RMC1: variants seen among roughly 807,000 people sequenced by gnomAD.
RMC1 encodes the protein regulator of MON1-CCZ1 complex.
A neutral mutation model predicts 95.5 loss-of-function variants in RMC1; 44 were observed. That is an observed-to-expected ratio of 0.46 (90% CI 0.36 to 0.59). The LOEUF (loss-of-function observed/expected upper bound fraction) is 0.59. Ranked by LOEUF, RMC1 falls within the 20% of genes least tolerant of loss-of-function variation. The pLI is 0.00. For missense variants in RMC1, 705 were observed against 819.6 expected, an observed-to-expected ratio of 0.86 and a Z score of 1.71; for synonymous variants, 320 against 303.6, an observed-to-expected ratio of 1.05 and a Z score of -0.56.
rs541601026 is a variant in RMC1, at chr18:23,518,953, G to A, written c.717G>A (p.Ala239=). Residue 239 remains alanine (A), a synonymous_variant, in exon 8 of 20, where the codon GCG becomes GCA. Transcript: ENST00000269221. ...HHSRTSNSTG[A]EVVLYHLPRE... is the part of the protein sequence containing the mutation. ...CTCGGACCTCCAACAGCACAGGAGCGGAGGTGGTCCTCTATCATCTACCAC... is the reference window on the plus strand; with the variant it reads ...CTCGGACCTCCAACAGCACAGGAGCAGAGGTGGTCCTCTATCATCTACCAC... 6.2e-6 allele frequency: 10 copies of A among 1,614,142 alleles called. No homozygotes were observed. In the South Asian group the frequency reaches 9.9e-5, roughly 16 times the overall value.
At chr18:23,512,332 T>A (rs904103577) in intron 5 of RMC1, among the ~76,000 whole-genome samples, 5 of 152,202 alleles carry the variant, frequency 3.3e-5, no homozygotes, top group Admixed American at 3.3e-4. Flanking sequence ...AAAGACATTT[T>A]AATTTGCATT....
chr18:23,509,670 C>G (rs922625853), intron 5 of RMC1: 1 of 152,894 alleles, frequency 6.5e-6, no homozygotes, highest in African/African-American at 2.4e-5. Flanking sequence ...TCAAGCGATT[C>G]TCCTGTCTCA....
intron 1 of RMC1, among the ~76,000 whole-genome samples, chr18:23,503,989 T>C (rs1598830428): frequency 6.6e-6 from 1 of 152,346 alleles, no homozygotes; most frequent in Non-Finnish European, 1.5e-5. Flanking sequence ...GCGCCCGTCT[T>C]ATCTAGGCTT....
chr18:23,518,795 T>C, intron 7 of RMC1, 95 bp from the exon 8 acceptor site: 2 of 1,101,672 alleles, frequency 1.8e-6, no homozygotes, highest in Non-Finnish European at 2.7e-6. Flanking sequence ...CTCCATTAAG[T>C]GAATATCTTA....
In RMC1 at chr18:23,528,309, A is replaced by T. The variant is rs529518209; in HGVS notation, c.1296+408A>T. 1.8e-5 allele frequency: 3 copies of T among 163,868 alleles called. No individual in the cohort carries two copies. In the South Asian group the frequency reaches 4.7e-4, roughly 26 times the overall value. 10.2% of individuals were successfully genotyped at this position (163,868 alleles called of 1,614,324 possible). A position where few individuals can be genotyped will look rare whatever the true frequency, so the allele number is the denominator to read the frequency against. ...TGCCACACCTTTCTTCCCTTTTGGG[A>T]AAGAATCCTGTTGAGATAGTGACGA... On this transcript the variant is annotated intron_variant, in intron 14 of 19. Transcript: ENST00000269221.
intron 12 of RMC1, among the ~76,000 whole-genome samples, chr18:23,525,143 T>C (rs2058260038): frequency 6.6e-6 from 1 of 151,060 alleles, no homozygotes; most frequent in Non-Finnish European, 1.5e-5. Flanking sequence ...ACGAGGTTTT[T>C]CCATGTTGGT....
In RMC1 at chr18:23,512,016, C is replaced by CT. The variant is rs34759918; in HGVS notation, c.408+2757dup. On this transcript the variant is annotated intron_variant, in intron 5 of 19. Transcript: ENST00000269221. ...TTTGCCAACCTGAGAGGTAGAAAGA[C>CT]TTTTTTTTTTTTTTTTTTTTCTGAG... 5.0e-3 allele frequency among the ~76,000 whole-genome samples: 639 copies of CT among 127,200 alleles called. 6 individuals are homozygous for CT. The highest frequency in any genetic ancestry group is 0.013 in the Middle Eastern group (3 of 240). The allele number at this position is 127,200 out of a possible 152,430, so 83.4% of individuals were successfully genotyped here. A position where few individuals can be genotyped will look rare whatever the true frequency, so the allele number is the denominator to read the frequency against.
In RMC1 at chr18:23,517,683, C is replaced by CT. The variant is rs888094784; in HGVS notation, c.654-1198dup. Among the ~76,000 whole-genome samples the CT allele has an allele frequency of 1.7e-4, 26 of 151,032 alleles. No individual in the cohort carries two copies. The East Asian group carries it at 2.5e-3, about 15-fold the overall frequency. On this transcript the variant is annotated intron_variant, in intron 7 of 19. Coordinates refer to ENST00000269221, the MANE Select transcript of RMC1 (RefSeq NM_013326.5). ...TATAATGTTCTTTCATTTCTTCTTC[C>CT]TTTTTTTTTAAACGTACTCTTCTGT...
chr18:23,524,815 C>G (rs534056404), intron 12 of RMC1, among the ~76,000 whole-genome samples: 28 of 152,154 alleles, frequency 1.8e-4, no homozygotes, highest in African/African-American at 6.5e-4. Flanking sequence ...GACCTTCCCA[C>G]CGGTGTCCGT....
At chr18:23,504,472 C>T (rs2057664792) in intron 2 of RMC1, 25 bp downstream of exon 2, 3 of 1,551,364 alleles carry the variant, frequency 1.9e-6, no homozygotes, top group Non-Finnish European at 2.7e-6. Flanking sequence ...ACTTTCAGAT[C>T]ATTTTGTCAT....
Position 23,507,953 on chromosome 18 carries a change from AT to A in RMC1, c.265-29del, listed in dbSNP as rs746127881. On this transcript the variant is annotated intron_variant, in intron 3 of 19. Transcript: ENST00000269221. ...GTTGGCAGTATGCTGCCTAATCCAA[AT>A]TTGTGTGTGTCTGTGTGTTTTTCCT... is the stretch of plus-strand genomic sequence containing the variant. 1.3e-5 allele frequency: 21 copies of A among 1,603,642 alleles called. No individual in the cohort carries two copies. In the Admixed American group the frequency reaches 1.7e-4, roughly 13 times the overall value.
chr18:23,516,308 C>T lies in RMC1; in HGVS notation c.550-12C>T, dbSNP rs757954049. ...TAATAAGCTTTTCCTAAAACATTTT[C>T]CCCCTAAACAGGCTGGCACTATGTC... On this transcript the variant is annotated splice_polypyrimidine_tract_variant and intron_variant, in intron 6 of 19. Coordinates refer to ENST00000269221, the MANE Select transcript of RMC1 (RefSeq NM_013326.5). 9.3e-6 allele frequency: 15 copies of T among 1,613,262 alleles called. No homozygotes were observed. Among genetic ancestry groups the T allele is most frequent in the Non-Finnish European group, 1.2e-5 (14 of 1,179,174 alleles).
In RMC1 at chr18:23,515,899, A is replaced by G. The variant is rs1408519644; in HGVS notation, c.452A>G (p.Asn151Ser). ...KRSLKLLKSHNLNVNWYMYCP... is the reference protein window; with the variant it reads ...KRSLKLLKSHSLNVNWYMYCP... ...AGTCTGAAACTCTTGAAGAGCCACA[A>G]TCTCAATGTGAATTGGTACATGTAC... The change falls in exon 6 of 20, where the codon AAT (asparagine) becomes AGT (serine). Residue 151 changes from asparagine to serine, a missense_variant. Asn to Ser is a conservative substitution (Grantham distance 46). Transcript: ENST00000269221. 4 of 1,614,054 alleles carry G rather than the reference A, an allele frequency of 2.5e-6. No individual in the cohort carries two copies. In the South Asian group the frequency reaches 4.4e-5, roughly 18 times the overall value.
chr18:23,509,658 G>C (rs1248559735), intron 5 of RMC1: 1 of 152,884 alleles, frequency 6.5e-6, no homozygotes, highest in Non-Finnish European at 1.5e-5. Context: ...CGCCTCCCAG[G>C]TTCAAGCGAT....
chr18:23,504,222 G>A, intron 1 of RMC1, 149 bp from the exon 2 acceptor site: 1 of 645,650 alleles, frequency 1.5e-6, no homozygotes, highest in Admixed American at 2.7e-5. Context: ...ATTCACCTGA[G>A]CAGCCAAACA....
intron 5 of RMC1, among the ~76,000 whole-genome samples, chr18:23,512,853 A>T (rs1186244851): frequency 6.6e-6 from 1 of 152,050 alleles, no homozygotes; most frequent in East Asian, 1.9e-4. Context: ...TAGCTCCAGA[A>T]CTTTTTTCAT....
chr18:23,508,156 C>A, intron 4 of RMC1, 115 bp downstream of exon 4: 3 of 914,120 alleles, frequency 3.3e-6, no homozygotes, highest in Admixed American at 3.3e-5. Flanking sequence ...CAGACTGTCC[C>A]TCATGTTGAT....
At chr18:23,523,521 G>A (rs924395484) in intron 10 of RMC1, among the ~76,000 whole-genome samples, 1 of 114,032 alleles carries the variant, frequency 8.8e-6, no homozygotes, top group African/African-American at 3.4e-5. Flanking sequence ...GACCAGCCTA[G>A]GTAACATAGA....
chr18:23,503,472 G>A (rs2057640120), upstream of RMC1: 5 of 388,976 alleles, frequency 1.3e-5, no homozygotes, highest in South Asian at 5.5e-4. Context: ...TGGGCGGGGT[G>A]GGGGCGTGGC....
Sources: gnomAD v4.1 joint callset for allele counts (sites outside exome capture counted in the v4.1 genomes callset) on GRCh38, gnomAD v4.1.1 for gene constraint, MANE v1.5 for transcripts, NCBI Gene and HGNC (gene_info 2026-07-23, HGNC 2026-07-21) for gene names.